Variants in CLEC12A observed in about 807,000 individuals in gnomAD.
CLEC12A encodes C-type lectin protein CLL-1.
CLEC12A carries 22 observed loss-of-function variants against 26.5 expected under a neutral mutation model. The observed-to-expected ratio is 0.83, with a 90% CI of 0.59 to 1.19. The LOEUF is 1.19. CLEC12A is among the 50% of genes most tolerant of loss of function. The pLI, the probability that CLEC12A is intolerant of heterozygous loss-of-function variation, is 0.00. For synonymous variants in CLEC12A, 119 were observed against 101.9 expected (o/e 1.17, Z -1.01); for missense variants, 353 against 315.6 (o/e 1.12, Z -0.90).
intron 1 of CLEC12A, among the ~76,000 whole-genome samples, chr12:9,977,957 A>G (rs1233543684): frequency 6.6e-6 from 1 of 152,174 alleles, no homozygotes; most frequent in Non-Finnish European, 1.5e-5. Context: ...TAAGAAAGAT[A>G]GCACTGGCAT....
At chr12:9,984,150 G>C (rs755926971) in intron 5 of CLEC12A, 69 of 158,062 alleles carry the variant, frequency 4.4e-4, no homozygotes, top group Non-Finnish European at 1.7e-4. Flanking sequence ...TTATAACTCT[G>C]TGTTGTTTTG....
intron 1 of CLEC12A, among the ~76,000 whole-genome samples, chr12:9,954,205 T>TTA (rs1324657571): frequency 1.2e-4 from 8 of 64,430 alleles, no homozygotes; most frequent in African/African-American, 2.2e-4. Flanking sequence ...GAATTATCAA[T>TTA]AAAAAAAAAA....
intron 1 of CLEC12A, among the ~76,000 whole-genome samples, chr12:9,953,820 TAGAA>T (rs1490960835): frequency 6.6e-6 from 1 of 152,130 alleles, no homozygotes; most frequent in Non-Finnish European, 1.5e-5. Flanking sequence ...CGTGTCTGTG[TAGAA>T]AGAAGTAGAC....
At chr12:9,998,617 T>C (rs547082915), downstream of CLEC12A, among the ~76,000 whole-genome samples, 223 of 121,248 alleles carry the variant, frequency 1.8e-3, no homozygotes, top group African/African-American at 6.7e-3. Context: ...AAATATTACT[T>C]GCTGTTAAGG....
downstream of CLEC12A, among the ~76,000 whole-genome samples, chr12:10,000,524 T>C (rs1767514078): frequency 6.6e-6 from 1 of 152,184 alleles, no homozygotes; most frequent in Non-Finnish European, 1.5e-5. Context: ...TTGAAATAAA[T>C]GCCAAATTTT....
Position 9,971,519 on chromosome 12 carries a change from G to A in CLEC12A, c.-78G>A. 1 of 1,531,788 alleles carries A rather than the reference G, an allele frequency of 6.5e-7. No individual in the cohort carries two copies. The highest frequency in any genetic ancestry group is 1.4e-5 in the African/African-American group (1 of 71,562). The allele number at this position is 1,531,788 out of a possible 1,614,324, so 94.9% of individuals were successfully genotyped here. On this transcript the variant is annotated 5_prime_UTR_variant, in exon 1 of 6. Coordinates refer to ENST00000304361, the MANE Select transcript of CLEC12A (RefSeq NM_138337.6). Reference sequence around the variant, plus strand: ...ACAGAAGTTTAAAATTATAGGTCCTGTTTAACATTCAGCTCTGTTAACTCA... The same window carrying A: ...ACAGAAGTTTAAAATTATAGGTCCTATTTAACATTCAGCTCTGTTAACTCA...
chr12:9,983,736 G>A (rs1864653956), intron 5 of CLEC12A: 1 of 474,980 alleles, frequency 2.1e-6, no homozygotes, highest in African/African-American at 2.0e-5. Flanking sequence ...TTTTTGTTTT[G>A]TTTTGTTTGT....
At chr12:9,964,186 G>A (rs564988782) in intron 1 of CLEC12A, among the ~76,000 whole-genome samples, 4 of 152,308 alleles carry the variant, frequency 2.6e-5, no homozygotes, top group South Asian at 2.1e-4. Flanking sequence ...GCTTGCTGAC[G>A]TGAAATGTCT....
the CLEC12A span, among the ~76,000 whole-genome samples, chr12:10,003,955 C>T: frequency 6.6e-6 from 1 of 152,078 alleles, no homozygotes; most frequent in African/African-American, 2.4e-5. Context: ...ACCATCTAAC[C>T]TCATCTAATC....
chr12:9,967,630 C>T (rs1432194048), upstream of CLEC12A, among the ~76,000 whole-genome samples: 1 of 151,784 alleles, frequency 6.6e-6, no homozygotes, highest in East Asian at 1.9e-4. Flanking sequence ...GGTTCTTGCC[C>T]CCAAGAAGAG....
At chr12:9,985,798 A>G, downstream of CLEC12A, 1 of 234,336 alleles carries the variant, frequency 4.3e-6, no homozygotes, top group Non-Finnish European at 8.1e-6. Flanking sequence ...TTATCCTGTT[A>G]GTAAATATTT....
At chr12:9,974,587 C>T (rs986199881) in intron 1 of CLEC12A, among the ~76,000 whole-genome samples, 2 of 152,100 alleles carry the variant, frequency 1.3e-5, no homozygotes, top group African/African-American at 4.8e-5. Context: ...TCATTAAATA[C>T]ACATATAAAT....
intron 1 of CLEC12A, among the ~76,000 whole-genome samples, chr12:9,955,500 T>A (rs930787407): frequency 6.6e-6 from 1 of 152,178 alleles, no homozygotes; most frequent in African/African-American, 2.4e-5. Context: ...ATATAGATAA[T>A]TGCTAAAAAA....
intron 1 of CLEC12A, among the ~76,000 whole-genome samples, chr12:9,960,914 G>C (rs112081782): frequency 6.6e-6 from 1 of 151,990 alleles, no homozygotes; most frequent in Non-Finnish European, 1.5e-5. Flanking sequence ...CCCTGTCCAC[G>C]TAGCATCAAA....
chr12:9,968,453 G>T (rs1029119238), upstream of CLEC12A, among the ~76,000 whole-genome samples: 1 of 152,254 alleles, frequency 6.6e-6, no homozygotes, highest in South Asian at 2.1e-4. Flanking sequence ...TTGTTCTCTG[G>T]CGGGCAGGAG....
the CLEC12A span, among the ~76,000 whole-genome samples, chr12:10,001,519 T>A: frequency 6.6e-6 from 1 of 152,144 alleles, no homozygotes; most frequent in Non-Finnish European, 1.5e-5. Context: ...TTTCTGTGTA[T>A]CCCCCCTCAC....
intron 1 of CLEC12A, chr12:9,953,023 C>T (rs1863656964): frequency 7.5e-6 from 1 of 134,012 alleles, no homozygotes. Context: ...GCCCGGCAGC[C>T]ACCCCATCTG....
chr12:9,995,426 A>C, exon 5 of CLEC12A: 1 of 601,866 alleles, frequency 1.7e-6, no homozygotes, highest in Non-Finnish European at 3.1e-6. Flanking sequence ...GAACTTAAAA[A>C]AAACTTATAG....
chr12:10,005,741 A>T, the CLEC12A span, among the ~76,000 whole-genome samples: 3 of 152,200 alleles, frequency 2.0e-5, no homozygotes, highest in Non-Finnish European at 4.4e-5. Flanking sequence ...TTCAAAATAA[A>T]TTCCATCCTA....
Sources: gnomAD v4.1 joint callset for allele counts (sites outside exome capture counted in the v4.1 genomes callset) on GRCh38, gnomAD v4.1.1 for gene constraint, MANE v1.5 for transcripts, NCBI Gene and HGNC (gene_info 2026-07-23, HGNC 2026-07-21) for gene names.